Variants in SRGAP1 observed in about 807,000 individuals in gnomAD.
SRGAP1 encodes SLIT-ROBO Rho GTPase-activating protein 1.
In SRGAP1, 43 loss-of-function variants were observed where a neutral mutation model predicts 121.9. The observed-to-expected ratio is 0.35, with a 90% CI of 0.28 to 0.46. SRGAP1 has a LOEUF of 0.46. SRGAP1 is among the 20% of genes least tolerant of loss of function. The pLI is 1.00. For synonymous variants in SRGAP1, 447 were observed against 485.4 expected (o/e 0.92, Z 1.04); for missense variants, 1,102 against 1,350.9 (o/e 0.82, Z 2.89).
intron 1 of SRGAP1, among the ~76,000 whole-genome samples, chr12:63,861,213 A>T (rs756138365): frequency 6.9e-6 from 1 of 145,910 alleles, no homozygotes. Context: ...GGGATTCACT[A>T]TGTTACCAAG....
At position 64,048,115 on chromosome 12, in the gene SRGAP1, TTCTA is replaced by T. The variant is rs367810835; in HGVS notation, c.801+4545_801+4548del. Among the ~76,000 whole-genome samples, 378 of 152,294 alleles carry T rather than the reference TTCTA, an allele frequency of 2.5e-3. 1 individual carries two copies. The highest frequency in any genetic ancestry group is 8.4e-3 in the African/African-American group (351 of 41,576). On this transcript the variant is annotated intron_variant, in intron 6 of 21. Transcript: ENST00000355086. ...GCTGAAAAATACTAGCTCTTATTCG[TTCTA>T]TCTAACTATATTTTTCTGCTTATTA...
intron 1 of SRGAP1, among the ~76,000 whole-genome samples, chr12:63,850,204 C>T (rs766662180): frequency 6.6e-6 from 1 of 152,066 alleles, no homozygotes; most frequent in Non-Finnish European, 1.5e-5. Flanking sequence ...CCTGAAAACC[C>T]GGTTAGTTTC....
chr12:64,072,108 CTGTGTG>C (rs66959510), intron 8 of SRGAP1, among the ~76,000 whole-genome samples: 1,434 of 80,362 alleles, frequency 0.018, 16 homozygotes, highest in South Asian at 0.04. Flanking sequence ...CAATCTCTCT[CTGTGTG>C]TGTGTGTGTG....
chr12:63,900,906 T>A (rs1292106120), intron 1 of SRGAP1, among the ~76,000 whole-genome samples: 1 of 152,038 alleles, frequency 6.6e-6, no homozygotes, highest in East Asian at 1.9e-4. Flanking sequence ...GGTTTATGTA[T>A]AACAGGAGTG....
intron 15 of SRGAP1, among the ~76,000 whole-genome samples, chr12:64,106,832 A>G (rs1340284641): frequency 6.6e-6 from 1 of 152,174 alleles, no homozygotes; most frequent in Non-Finnish European, 1.5e-5. Flanking sequence ...TCATAGCGTT[A>G]TATTTTCTCC....
rs2036278372 is a variant in SRGAP1, at chr12:64,102,733, T to C, written c.1813+5358T>C. Among the ~76,000 whole-genome samples, 4 of 152,324 alleles carry C rather than the reference T, an allele frequency of 2.6e-5. No homozygotes were observed. The South Asian group carries it at 8.3e-4, about 32-fold the overall frequency. ...TTTTCAAGGATCATCCATGTTACAG[T>C]AGGTATCAGTACTTCATTCTTTTTG... On this transcript the variant is annotated intron_variant, in intron 15 of 21. Coordinates refer to ENST00000355086, the MANE Select transcript of SRGAP1 (RefSeq NM_020762.4).
intron 6 of SRGAP1, among the ~76,000 whole-genome samples, chr12:64,044,674 C>CTTTTTTTTTTTTT (rs558248193): frequency 0.016 from 1,185 of 71,994 alleles, 172 homozygotes; most frequent in Non-Finnish European, 0.024. Context: ...TGATGTGCCT[C>CTTTTTTTTTTTTT]TTTTTTTTTT....
intron 3 of SRGAP1, among the ~76,000 whole-genome samples, chr12:63,991,881 A>G (rs1322607298): frequency 6.6e-6 from 1 of 152,210 alleles, no homozygotes; most frequent in Non-Finnish European, 1.5e-5. Flanking sequence ...AGCAGAGCTA[A>G]AAGACATGTC....
chr12:64,136,024 A>T (rs1351017850), intron 21 of SRGAP1, among the ~76,000 whole-genome samples: 1 of 152,194 alleles, frequency 6.6e-6, no homozygotes, highest in East Asian at 1.9e-4. Context: ...AGGCCAGTCT[A>T]ACCTTTTCAC....
At chr12:63,952,221 C>A (rs1462291040) in intron 1 of SRGAP1, among the ~76,000 whole-genome samples, 1 of 152,104 alleles carries the variant, frequency 6.6e-6, no homozygotes, top group Non-Finnish European at 1.5e-5. Flanking sequence ...ATGAATAAGA[C>A]CCCCACCAGG....
chr12:64,042,660 G>T, intron 4 of SRGAP1, 130 bp from the exon 5 acceptor site: 1 of 600,404 alleles, frequency 1.7e-6, no homozygotes, highest in Non-Finnish European at 2.9e-6. Flanking sequence ...TTACTTTACT[G>T]ACAATCTGAC....
chr12:63,867,031 G>A (rs1899661334), intron 1 of SRGAP1, among the ~76,000 whole-genome samples: 1 of 152,138 alleles, frequency 6.6e-6, no homozygotes, highest in Non-Finnish European at 1.5e-5. Context: ...ACTATTCCCA[G>A]CTAATTTTTT....
Position 63,984,118 on chromosome 12 carries a change from G to A in SRGAP1, c.239G>A (p.Ser80Asn). ...GAAAGGTTCATGGCAAAAACAAGAAGCACTAAGGATCATCAACAATACAAG... is the reference window on the plus strand; with the variant it reads ...GAAAGGTTCATGGCAAAAACAAGAAACACTAAGGATCATCAACAATACAAG... The part of the protein sequence containing the change: ...LAERFMAKTR[S>N]TKDHQQYKKD... Residue 80 changes from serine to asparagine, a missense_variant, in exon 2 of 22, where the codon AGC (serine) becomes AAC (asparagine). Ser to Asn is a conservative substitution (Grantham distance 46). This residue lies in a region of SRGAP1 where 747 missense variants were observed against 929.4 expected (regional missense o/e 0.80). Transcript: ENST00000355086. The A allele has an allele frequency of 1.3e-6, 2 of 1,505,120 alleles. No homozygotes were observed. The highest frequency in any genetic ancestry group is 1.8e-6 in the Non-Finnish European group (2 of 1,112,762). The allele number at this position is 1,505,120 out of a possible 1,614,324, so 93.2% of individuals were successfully genotyped here. A position where few individuals can be genotyped will look rare whatever the true frequency, so the allele number is the denominator to read the frequency against.
At chr12:64,135,746 C>G (rs1374312121) in intron 21 of SRGAP1, among the ~76,000 whole-genome samples, 1 of 152,170 alleles carries the variant, frequency 6.6e-6, no homozygotes, top group African/African-American at 2.4e-5. Context: ...TGAAAGAACT[C>G]CATCCTTAAT....
At chr12:64,030,154 A>G (rs2034742956) in intron 4 of SRGAP1, among the ~76,000 whole-genome samples, 1 of 152,226 alleles carries the variant, frequency 6.6e-6, no homozygotes, top group East Asian at 1.9e-4. Context: ...ATAAAAAATT[A>G]TGAACTAATG....
At chr12:63,908,493 G>A (rs903883841) in intron 1 of SRGAP1, among the ~76,000 whole-genome samples, 1 of 152,094 alleles carries the variant, frequency 6.6e-6, no homozygotes, top group Non-Finnish European at 1.5e-5. Flanking sequence ...AGATTCAAGC[G>A]ATTCTTCTGC....
intron 1 of SRGAP1, among the ~76,000 whole-genome samples, chr12:63,981,194 C>T (rs1046008053): frequency 6.6e-6 from 1 of 152,134 alleles, no homozygotes. Context: ...CCATCATTCT[C>T]ATGATTCCCT....
At chr12:63,916,791 G>T (rs2030799784) in intron 1 of SRGAP1, among the ~76,000 whole-genome samples, 1 of 152,152 alleles carries the variant, frequency 6.6e-6, no homozygotes, top group African/African-American at 2.4e-5. Context: ...CAGGCCAGTA[G>T]ACTTAATGAG....
chr12:63,904,112 C>T (rs1407093879), intron 1 of SRGAP1, among the ~76,000 whole-genome samples: 1 of 151,896 alleles, frequency 6.6e-6, no homozygotes, highest in Non-Finnish European at 1.5e-5. Flanking sequence ...ATAACTCCCA[C>T]CCTGAATTTT....
Sources: allele counts gnomAD v4.1 joint callset (sites outside exome capture counted in the v4.1 genomes callset), GRCh38; gene constraint gnomAD v4.1.1; regional missense constraint gnomAD v4.1.1; transcripts MANE v1.5; gene names NCBI Gene and HGNC (gene_info 2026-07-23, HGNC 2026-07-21).